RNF32: variants seen among roughly 807,000 people sequenced by gnomAD.
RNF32 encodes the protein ring finger protein 32.
Under a neutral mutation model 41.0 loss-of-function variants are expected in RNF32, and 36 were observed. That is an observed-to-expected ratio of 0.88 (90% confidence interval 0.67 to 1.16). The LOEUF is 1.16. Among genes scored for constraint, RNF32 ranks in the 50% most tolerant of loss-of-function variants. The pLI is 0.00. For synonymous variants in RNF32, 154 were observed against 160.9 expected, an observed-to-expected ratio of 0.96 and a Z score of 0.32; for missense variants, 413 against 436.7, an observed-to-expected ratio of 0.95 and a Z score of 0.48.
chr7:156,671,523 A>G (rs1421529505), intron 7 of RNF32, among the ~76,000 whole-genome samples: 1 of 152,224 alleles, frequency 6.6e-6, no homozygotes, highest in Non-Finnish European at 1.5e-5. Flanking sequence ...ATCATTATAA[A>G]AACTGACCAT....
chr7:156,640,266 T>A, upstream of RNF32: 1 of 447,606 alleles, frequency 2.2e-6, no homozygotes, highest in South Asian at 1.6e-5. Context: ...GAAGGGGCGG[T>A]GCGCTCGAGA....
chr7:156,657,593 CTGCCCAGG>C lies in RNF32; in HGVS notation c.450+24_450+31del, dbSNP rs754980213. On this transcript the variant is annotated intron_variant, in intron 5 of 8. Coordinates refer to ENST00000317955, the MANE Select transcript of RNF32 (RefSeq NM_030936.4). Reference sequence around the variant, plus strand: ...CACAAAGTAAGTCCACCCCTCACGCCTGCCCAGGTGCTGCACATGTCGCTCTCACAGTG... The same window carrying C: ...CACAAAGTAAGTCCACCCCTCACGCCTGCTGCACATGTCGCTCTCACAGTG... The C allele has an allele frequency of 2.1e-5, 34 of 1,612,960 alleles. No homozygotes were observed. Among genetic ancestry groups the C allele is most frequent in the Admixed American group, 3.3e-5 (2 of 59,996 alleles).
Position 156,644,661 on chromosome 7 carries a change from A to G in RNF32, c.178A>G (p.Ile60Val), listed in dbSNP as rs1797761578. The G allele has an allele frequency of 1.2e-6, 2 of 1,612,956 alleles. No individual in the cohort carries two copies. The highest frequency in any genetic ancestry group is 1.1e-5 in the South Asian group (1 of 91,054). ...KSLKRDTKAIIDTGLKKTTQC... is the reference protein window; with the variant it reads ...KSLKRDTKAIVDTGLKKTTQC... The stretch of plus-strand genomic sequence containing the variant: ...TCTAAAAAGAGATACAAAGGCAATA[A>G]TAGATACTGGACTTAAAAAAACTAC... The change falls in exon 3 of 9, where the codon ATA (isoleucine) becomes GTA (valine). Residue 60 changes from isoleucine (I) to valine (V), a missense_variant. Coordinates refer to ENST00000317955, the MANE Select transcript of RNF32 (RefSeq NM_030936.4).
chr7:156,644,609 A>G lies in RNF32; in HGVS notation c.126A>G (p.Thr42=), dbSNP rs376626553. ...RNLSVADHSK[T]QVQKKENKSL... ...TTTCAGTTGCAGATCATTCTAAGAC[A>G]CAAGTACAAAAGAAAGAGAACAAAT... Residue 42 remains threonine, a synonymous_variant, in exon 3 of 9, where the codon ACA becomes ACG. Coordinates refer to ENST00000317955, the MANE Select transcript of RNF32 (RefSeq NM_030936.4). 1.9e-5 allele frequency: 31 copies of G among 1,613,562 alleles called. No homozygotes were observed. The African/African-American group carries it at 3.9e-4, about 20-fold the overall frequency.
At chr7:156,662,769 G>A (rs956998796) in intron 7 of RNF32, among the ~76,000 whole-genome samples, 1 of 151,002 alleles carries the variant, frequency 6.6e-6, no homozygotes, top group Non-Finnish European at 1.5e-5. Context: ...GAAATTTAAA[G>A]TATGAAATGA....
intron 6 of RNF32, 93 bp downstream of exon 6, chr7:156,658,345 C>G: frequency 6.4e-7 from 1 of 1,568,018 alleles, no homozygotes; most frequent in Non-Finnish European, 8.7e-7. Context: ...TATCTCTCTT[C>G]TTGGCCACCA....
chr7:156,658,174 C>T lies in RNF32; in HGVS notation c.497C>T (p.Pro166Leu). Residue 166 changes from proline (P) to leucine (L), a missense_variant, in exon 6 of 9, where the codon CCT becomes CTT. By Grantham distance (98) the Pro-to-Leu change is moderately conservative (BLOSUM62 -3). Coordinates refer to ENST00000317955, the MANE Select transcript of RNF32 (RefSeq NM_030936.4). ...AAGTTCACAAATAAGAAAACCTGTC[C>T]TCTCTGTAGAAAGAACCAGTATCAA... ...FEKFTNKKTC[P>L]LCRKNQYQTR... The T allele has an allele frequency of 1.2e-6, 2 of 1,614,018 alleles. No individual in the cohort carries two copies. Among genetic ancestry groups the T allele is most frequent in the Non-Finnish European group, 1.7e-6 (2 of 1,179,886 alleles).
At chr7:156,645,078 C>T (rs937816112) in intron 3 of RNF32, among the ~76,000 whole-genome samples, 1 of 152,060 alleles carries the variant, frequency 6.6e-6, no homozygotes, top group African/African-American at 2.4e-5. Context: ...ATGAATATAA[C>T]TCATAAGGAT....
intron 2 of RNF32, 64 bp from the exon 3 acceptor site, chr7:156,644,435 G>C: frequency 1.5e-6 from 2 of 1,300,602 alleles, no homozygotes; most frequent in Non-Finnish European, 2.2e-6. Context: ...TGAAGCCTCA[G>C]TTCTCTTCTA....
chr7:156,640,573 C>A (rs1459170411), upstream of RNF32: 1 of 401,814 alleles, frequency 2.5e-6, no homozygotes, highest in South Asian at 1.7e-5. Flanking sequence ...GGGGCGGGGG[C>A]CGGCGAGCAT....
At chr7:156,661,002 T>C (rs941399065) in intron 7 of RNF32, among the ~76,000 whole-genome samples, 5 of 152,226 alleles carry the variant, frequency 3.3e-5, no homozygotes, top group African/African-American at 1.2e-4. Context: ...AGTAGGGCTC[T>C]ATCTAAATAC....
chr7:156,665,573 T>C (rs1216349823), intron 7 of RNF32, among the ~76,000 whole-genome samples: 1 of 152,224 alleles, frequency 6.6e-6, no homozygotes, highest in African/African-American at 2.4e-5. Context: ...TGCAAATTCA[T>C]TTTATTTTTA....
At chr7:156,665,442 T>A (rs141456284) in intron 7 of RNF32, among the ~76,000 whole-genome samples, 38 of 152,354 alleles carry the variant, frequency 2.5e-4, no homozygotes, top group African/African-American at 8.7e-4. Context: ...TAAGATTGAA[T>A]ATGGCAAATT....
intron 4 of RNF32, 175 bp from the exon 5 acceptor site, chr7:156,657,361 TTAGAG>T (rs2131488611): frequency 5.0e-6 from 3 of 597,508 alleles, no homozygotes; most frequent in South Asian, 2.2e-5. Context: ...TTTTTGTTAT[TTAGAG>T]TATATACTTG....
chr7:156,674,729 C>T (rs139355970), intron 7 of RNF32, among the ~76,000 whole-genome samples: 392 of 152,248 alleles, frequency 2.6e-3, no homozygotes, highest in Middle Eastern at 6.8e-3. Context: ...AATTAATAAA[C>T]GTTGAAGTGA....
In RNF32 at chr7:156,657,393, C is replaced by T. The variant is rs942197319; in HGVS notation, c.418-148C>T. On this transcript the variant is annotated intron_variant, in intron 4 of 8. Coordinates refer to ENST00000317955, the MANE Select transcript of RNF32 (RefSeq NM_030936.4). Reference sequence around the variant, plus strand: ...ATATACTTGTGCTGTGCTAAACAAACAATAAATAGTATAAATATCAAAGTT... The same window carrying T: ...ATATACTTGTGCTGTGCTAAACAAATAATAAATAGTATAAATATCAAAGTT... 42 of 734,546 alleles carry T rather than the reference C, an allele frequency of 5.7e-5. 1 individual carries two copies. The African/African-American group carries it at 6.0e-4, about 10-fold the overall frequency. 45.5% of individuals were successfully genotyped at this position (734,546 alleles called of 1,614,324 possible).
At chr7:156,656,266 G>T (rs1014165637) in intron 4 of RNF32, among the ~76,000 whole-genome samples, 1 of 152,192 alleles carries the variant, frequency 6.6e-6, no homozygotes, top group African/African-American at 2.4e-5. Context: ...CATTTTTAGT[G>T]TGTTTTCCAC....
At chr7:156,673,580 C>T (rs980530386) in intron 7 of RNF32, among the ~76,000 whole-genome samples, 4 of 152,168 alleles carry the variant, frequency 2.6e-5, no homozygotes, top group African/African-American at 7.2e-5. Context: ...ACCAGGCTTC[C>T]AAGTACGGCT....
intron 7 of RNF32, chr7:156,658,842 T>G: frequency 6.8e-7 from 1 of 1,468,714 alleles, no homozygotes; most frequent in South Asian, 1.2e-5. Flanking sequence ...GCTAATTGTT[T>G]AAATAAACTT....
Sources: allele counts gnomAD v4.1 joint callset (sites outside exome capture counted in the v4.1 genomes callset), GRCh38; gene constraint gnomAD v4.1.1; transcripts MANE v1.5; gene names NCBI Gene and HGNC (gene_info 2026-07-23, HGNC 2026-07-21).